Variants in BLOC1S3 observed in about 807,000 individuals in gnomAD.
BLOC1S3 encodes the protein biogenesis of lysosome-related organelles complex 1 subunit 3.
Under a neutral mutation model 9.1 loss-of-function variants are expected in BLOC1S3, and 7 were observed. The observed-to-expected ratio is 0.77, with a 90% CI of 0.44 to 1.45. BLOC1S3 has a LOEUF of 1.45. BLOC1S3 is among the 40% of genes most tolerant of loss of function. The pLI is 0.01. For synonymous variants in BLOC1S3, 145 were observed against 158.4 expected, an observed-to-expected ratio of 0.92 and a Z score of 0.64; for missense variants, 307 against 315.2, an observed-to-expected ratio of 0.97 and a Z score of 0.20.
chr19:45,212,196 AG>A (rs2122945571), intron 3 of BLOC1S3, among the ~76,000 whole-genome samples: 1 of 152,316 alleles, frequency 6.6e-6, no homozygotes, highest in African/African-American at 2.4e-5. Flanking sequence ...CCACACAGCC[AG>A]GAGGTGTACA....
chr19:45,209,409 C>T (rs1969751092), intron 3 of BLOC1S3, among the ~76,000 whole-genome samples: 1 of 151,794 alleles, frequency 6.6e-6, no homozygotes, highest in Middle Eastern at 3.2e-3. Context: ...AGTTCTATTT[C>T]TTTATTTTAT....
Position 45,181,321 on chromosome 19 carries a change from A to G in BLOC1S3, c.*1416A>G, listed in dbSNP as rs1041807518. ...CCCAAGGCAGGGGATCTTCCTCCCA[A>G]CTCCCTGGACCAAGGTGGCATTTCC... On this transcript the variant is annotated 3_prime_UTR_variant, in exon 2 of 2. Transcript: ENST00000433642. 6.0e-6 allele frequency: 1 copy of G among 166,532 alleles called. No homozygotes were observed. 10.3% of individuals were successfully genotyped at this position (166,532 alleles called of 1,614,324 possible).
At chr19:45,214,373 C>A (rs191732373) in intron 3 of BLOC1S3, among the ~76,000 whole-genome samples, 12 of 152,170 alleles carry the variant, frequency 7.9e-5, no homozygotes, top group African/African-American at 1.4e-4. Context: ...GGCGTTGCTC[C>A]GGCAGCCACC....
chr19:45,184,698 A>C (rs944955060), downstream of BLOC1S3, among the ~76,000 whole-genome samples: 9 of 152,012 alleles, frequency 5.9e-5, no homozygotes, highest in African/African-American at 2.2e-4. Context: ...CAGGAGATCA[A>C]GACCATCCTG....
chr19:45,200,424 C>T (rs1969681976), intron 2 of BLOC1S3, among the ~76,000 whole-genome samples: 1 of 152,136 alleles, frequency 6.6e-6, no homozygotes, highest in South Asian at 2.1e-4. Context: ...CCTCGTGATC[C>T]ACCTGCCTCG....
intron 2 of BLOC1S3, among the ~76,000 whole-genome samples, chr19:45,191,826 A>G (rs1384973155): frequency 6.6e-6 from 1 of 152,222 alleles, no homozygotes; most frequent in African/African-American, 2.4e-5. Flanking sequence ...GAAGGGTGAT[A>G]CAAGCACTGC....
chr19:45,206,450 G>GTTT (rs1054281226), intron 3 of BLOC1S3, among the ~76,000 whole-genome samples: 665 of 55,106 alleles, frequency 0.012, 187 homozygotes, highest in African/African-American at 0.055. Context: ...GATTAATCAA[G>GTTT]TTTTTTTTTT....
Position 45,202,092 on chromosome 19 carries a change from A to G in BLOC1S3, n.181-314A>G, listed in dbSNP as rs375595944. 3.5e-4 allele frequency among the ~76,000 whole-genome samples: 53 copies of G among 151,790 alleles called. 2 individuals are homozygous for G. In the East Asian group the frequency reaches 4.5e-3, roughly 13 times the overall value. ...ACAAAAAATTAGCTGGGCGCCTGTA[A>G]TCCCAGCTACTCTGGAGGCTGAGGC... On this transcript the variant is annotated intron_variant and non_coding_transcript_variant, in intron 2 of 3. Coordinates refer to the BLOC1S3 transcript ENST00000591569.
At chr19:45,197,308 G>A (rs963786892) in intron 2 of BLOC1S3, among the ~76,000 whole-genome samples, 2 of 151,988 alleles carry the variant, frequency 1.3e-5, no homozygotes, top group Admixed American at 6.6e-5. Flanking sequence ...GCAACATGGC[G>A]AAACCCTGTC....
At position 45,214,456 on chromosome 19, in the gene BLOC1S3, GTGTTTGTT is replaced by G. The variant is rs57770472; in HGVS notation, n.283-2202_283-2195del. Among the ~76,000 whole-genome samples the G allele has an allele frequency of 3.0e-3, 455 of 151,440 alleles. 1 individual carries two copies. Among genetic ancestry groups the G allele is most frequent in the African/African-American group, 9.9e-3 (408 of 41,122 alleles). On this transcript the variant is annotated intron_variant and non_coding_transcript_variant, in intron 3 of 3. Coordinates refer to the BLOC1S3 transcript ENST00000591569. The stretch of plus-strand genomic sequence containing the variant: ...TGATCTGGTACACTAGTTTTTTTGT[GTGTTTGTT>G]TGTTTGTTTGTTTGTTTTGAGACAG...
At chr19:45,191,957 G>GGACT (rs1236405474) in intron 2 of BLOC1S3, among the ~76,000 whole-genome samples, 1 of 152,138 alleles carries the variant, frequency 6.6e-6, no homozygotes, top group East Asian at 1.9e-4. Context: ...AAGGCCCTAG[G>GGACT]GCTCTGTGAG....
chr19:45,216,253 G>A, intron 3 of BLOC1S3: 2 of 1,588,576 alleles, frequency 1.3e-6, no homozygotes, highest in East Asian at 2.2e-5. Context: ...GCCAATTCCT[G>A]CCCCTCCTGG....
At chr19:45,188,045 G>GAC (rs1568472361) in intron 2 of BLOC1S3, among the ~76,000 whole-genome samples, 2 of 151,612 alleles carry the variant, frequency 1.3e-5, no homozygotes, top group Admixed American at 6.6e-5. Context: ...TTTTTTGAGA[G>GAC]AGAGCCTCAC....
chr19:45,213,413 C>G (rs1969800394), intron 3 of BLOC1S3: 5 of 1,594,336 alleles, frequency 3.1e-6, no homozygotes. Context: ...GACACACACC[C>G]AACCCAGCCG....
chr19:45,198,871 T>C (rs1969669035), intron 2 of BLOC1S3: 1 of 151,470 alleles, frequency 6.6e-6, no homozygotes, highest in South Asian at 2.1e-4. Flanking sequence ...GCCTGGCTAA[T>C]TTTTTTTGTA....
At chr19:45,206,618 G>A (rs1969729512) in intron 3 of BLOC1S3, among the ~76,000 whole-genome samples, 1 of 125,104 alleles carries the variant, frequency 8.0e-6, no homozygotes, top group South Asian at 2.6e-4. Context: ...CCCACACCTA[G>A]TTAAATTTTT....
In BLOC1S3 at chr19:45,179,190, T is replaced by A. The variant is rs577140583; in HGVS notation, c.-9-98T>A. The A allele has an allele frequency of 3.0e-6, 4 of 1,337,362 alleles. No homozygotes were observed. In the South Asian group the frequency reaches 5.0e-5, roughly 17 times the overall value. 82.8% of individuals were successfully genotyped at this position (1,337,362 alleles called of 1,614,324 possible). On this transcript the variant is annotated intron_variant, in intron 1 of 1. Coordinates refer to ENST00000433642, the MANE Select transcript of BLOC1S3 (RefSeq NM_212550.5). This position sits in a 1 kb window ranked among gnomAD's most constrained non-coding sequence, Gnocchi z 4.6. ...ACGGGGAGCAGCTGACACCAAGTCG[T>A]TAAGAGAATCAGCGAAGGGGCTGGG...
intron 3 of BLOC1S3, among the ~76,000 whole-genome samples, chr19:45,204,417 C>A (rs1969712847): frequency 6.6e-6 from 1 of 151,404 alleles, no homozygotes; most frequent in African/African-American, 2.4e-5. Context: ...GGTCTTGAAC[C>A]CCTGACCTCA....
At chr19:45,213,333 G>C in intron 3 of BLOC1S3, 1 of 1,613,580 alleles carries the variant, frequency 6.2e-7, no homozygotes, top group Non-Finnish European at 8.5e-7. Context: ...CACGGATGTC[G>C]AGGAGGGCTG....
Sources: gnomAD v4.1 joint callset for allele counts (sites outside exome capture counted in the v4.1 genomes callset) on GRCh38, gnomAD v4.1.1 for gene constraint, Gnocchi (gnomAD v3.1) non-coding constraint, MANE v1.5 for transcripts, NCBI Gene and HGNC (gene_info 2026-07-23, HGNC 2026-07-21) for gene names.